The following RTN1 variants were observed in gnomAD, a reference collection of about 807,000 sequenced individuals.
RTN1 encodes reticulon-1.
In RTN1, 25 loss-of-function variants were observed where a neutral mutation model predicts 65.5. The observed-to-expected ratio is 0.38, with a 90% CI of 0.28 to 0.53. The LOEUF (loss-of-function observed/expected upper bound fraction) is 0.53, where lower values mean the gene tolerates loss of function less well. Among genes scored for constraint, RTN1 ranks in the 20% least tolerant of loss-of-function variants. The pLI is 0.79. For missense variants in RTN1, 983 were observed against 1,025.4 expected (o/e 0.96, Z 0.57); for synonymous variants, 471 against 447.6 (o/e 1.05, Z -0.66).
intron 1 of RTN1, among the ~76,000 whole-genome samples, chr14:59,782,511 T>C (rs1486927359): frequency 6.6e-6 from 1 of 152,182 alleles, no homozygotes; most frequent in Non-Finnish European, 1.5e-5. Flanking sequence ...TGACAACGCC[T>C]GAAACATTTT....
chr14:59,734,336 A>G (rs76480997), intron 2 of RTN1, among the ~76,000 whole-genome samples: 2,896 of 152,304 alleles, frequency 0.019, 94 homozygotes, highest in African/African-American at 0.066. Context: ...TTTCCTTCAA[A>G]TGACTGCGAA....
intron 1 of RTN1, among the ~76,000 whole-genome samples, chr14:59,749,434 A>G (rs1438087482): frequency 2.0e-5 from 2 of 102,456 alleles, no homozygotes; most frequent in Admixed American, 1.4e-4. Flanking sequence ...ATATCTATAT[A>G]TATCTATATC....
At chr14:59,820,757 G>A (rs1452245865) in intron 1 of RTN1, among the ~76,000 whole-genome samples, 1 of 152,142 alleles carries the variant, frequency 6.6e-6, no homozygotes, top group African/African-American at 2.4e-5. Flanking sequence ...GATAAGCTTT[G>A]AGTGGGGATA....
chr14:59,726,270 A>T (rs897624173), intron 3 of RTN1, among the ~76,000 whole-genome samples: 14 of 152,216 alleles, frequency 9.2e-5, no homozygotes. Context: ...TAATGACCAC[A>T]TTAAATTCAT....
At chr14:59,783,665 A>C (rs192211576) in intron 1 of RTN1, among the ~76,000 whole-genome samples, 1 of 152,330 alleles carries the variant, frequency 6.6e-6, no homozygotes, top group African/African-American at 2.4e-5. Context: ...AGTGAGAGCA[A>C]GCCTTCTGCT....
chr14:59,772,107 T>C (rs967375616), intron 1 of RTN1, among the ~76,000 whole-genome samples: 2 of 152,218 alleles, frequency 1.3e-5, no homozygotes, highest in Non-Finnish European at 2.9e-5. Flanking sequence ...AGACTGAGAA[T>C]ACATGCTACT....
chr14:59,783,080 A>G (rs2139577308), intron 1 of RTN1, among the ~76,000 whole-genome samples: 1 of 152,338 alleles, frequency 6.6e-6, no homozygotes, highest in Non-Finnish European at 1.5e-5. Flanking sequence ...ACAGATGAAG[A>G]AAGCAAGACA....
chr14:59,723,315 C>T (rs1429314903), intron 3 of RTN1, among the ~76,000 whole-genome samples: 1 of 151,918 alleles, frequency 6.6e-6, no homozygotes, highest in African/African-American at 2.4e-5. Context: ...GTCTAAAACC[C>T]TGCTACCCTG....
intron 3 of RTN1, among the ~76,000 whole-genome samples, chr14:59,649,990 G>A (rs887943724): frequency 1.8e-4 from 28 of 152,130 alleles, no homozygotes; most frequent in Admixed American, 1.7e-3. Flanking sequence ...GCAAAGACTT[G>A]GAACCAACCC....
intron 3 of RTN1, among the ~76,000 whole-genome samples, chr14:59,625,210 G>A (rs532330902): frequency 6.6e-5 from 10 of 152,130 alleles, no homozygotes; most frequent in Non-Finnish European, 1.3e-4. Flanking sequence ...TTTTGTCATA[G>A]AATATTAGGA....
rs1489026988 is a variant in RTN1, at chr14:59,790,165, A to C, written c.242-43684T>G. Among the ~76,000 whole-genome samples the C allele has an allele frequency of 3.3e-5, 5 of 152,026 alleles. No homozygotes were observed. The highest frequency in any genetic ancestry group is 1.2e-4 in the African/African-American group (5 of 41,430). On this transcript the variant is annotated intron_variant, in intron 1 of 8. Transcript: ENST00000267484. The surrounding 1 kb of genome is among the most constrained non-coding windows in gnomAD (Gnocchi z 4.1). Reference sequence around the variant, plus strand: ...AGAAAGGCTTCAAATAACCAGTCCAAGTTCAAATAACAGAGTCTAGTCGTG... The same window carrying C: ...AGAAAGGCTTCAAATAACCAGTCCACGTTCAAATAACAGAGTCTAGTCGTG...
rs995823709 is a variant in RTN1, at chr14:59,832,532, T to C, written c.241+37858A>G. Among the ~76,000 whole-genome samples the C allele has an allele frequency of 9.8e-5, 15 of 152,348 alleles. 1 individual carries two copies. The highest frequency in any genetic ancestry group is 6.5e-4 in the Admixed American group (10 of 15,308). On this transcript the variant is annotated intron_variant, in intron 1 of 8. Coordinates refer to ENST00000267484, the MANE Select transcript of RTN1 (RefSeq NM_021136.3). The stretch of plus-strand genomic sequence containing the variant: ...TTCCAGAGGACAATGCATTTGTTTA[T>C]TTATTTTTCCTCATCATCTGTAAGA...
In RTN1 at chr14:59,870,471, T is replaced by C. The variant is rs763906143; in HGVS notation, c.160A>G (p.Arg54Gly). Reference sequence around the variant, plus strand: ...TCCCGCGACGCCGCTTCCCGGGCCCTGGCGCCCAACCCCGGGCTGGGCTCC... The same window carrying C: ...TCCCGCGACGCCGCTTCCCGGGCCCCGGCGCCCAACCCCGGGCTGGGCTCC... ...AGEPSPGLGA[R>G]AREAASREAG... The change falls in exon 1 of 9, where the codon AGG becomes GGG. Residue 54 changes from arginine (R) to glycine (G), a missense_variant. This residue lies in a region of RTN1 where 818 missense variants were observed against 801.8 expected (regional missense o/e 1.02). Coordinates refer to ENST00000267484, the MANE Select transcript of RTN1 (RefSeq NM_021136.3). The surrounding 1 kb of genome is among the most constrained non-coding windows in gnomAD (Gnocchi z 5.1). 2 of 1,480,236 alleles carry C rather than the reference T, an allele frequency of 1.4e-6. No homozygotes were observed. Among genetic ancestry groups the C allele is most frequent in the African/African-American group, 1.5e-5 (1 of 68,862 alleles). 91.7% of individuals were successfully genotyped at this position (1,480,236 alleles called of 1,614,324 possible).
At chr14:59,764,977 A>C (rs936581768) in intron 1 of RTN1, among the ~76,000 whole-genome samples, 1 of 152,310 alleles carries the variant, frequency 6.6e-6, no homozygotes, top group Non-Finnish European at 1.5e-5. Context: ...TGCTATGAAC[A>C]TCTTTTGAGT....
chr14:59,662,701 A>T (rs1302263994), intron 3 of RTN1, among the ~76,000 whole-genome samples: 1 of 152,176 alleles, frequency 6.6e-6, no homozygotes, highest in Non-Finnish European at 1.5e-5. Context: ...TAGGAATACA[A>T]CTTAAAAGTG....
At chr14:59,634,141 G>C (rs8011640) in intron 3 of RTN1, among the ~76,000 whole-genome samples, 1 of 151,908 alleles carries the variant, frequency 6.6e-6, no homozygotes, top group African/African-American at 2.4e-5. Context: ...GTGAAAATTT[G>C]CTATTTTATA....
intron 3 of RTN1, among the ~76,000 whole-genome samples, chr14:59,695,134 C>T (rs542502557): frequency 2.0e-5 from 3 of 152,176 alleles, no homozygotes; most frequent in Non-Finnish European, 4.4e-5. Context: ...CTTGGTGCCA[C>T]GGTTGAGTGA....
At chr14:59,716,836 T>C (rs372614025) in intron 3 of RTN1, among the ~76,000 whole-genome samples, 4 of 149,730 alleles carry the variant, frequency 2.7e-5, no homozygotes, top group African/African-American at 9.8e-5. Flanking sequence ...GGCGTGGTGG[T>C]GGACGCCTGT....
At chr14:59,778,059 TA>T (rs1036559386) in intron 1 of RTN1, among the ~76,000 whole-genome samples, 3 of 151,958 alleles carry the variant, frequency 2.0e-5, no homozygotes, top group African/African-American at 7.3e-5. Flanking sequence ...TGTCCCTGCT[TA>T]AAAAAATGCT....
Sources: allele counts gnomAD v4.1 joint callset (sites outside exome capture counted in the v4.1 genomes callset), GRCh38; gene constraint gnomAD v4.1.1; regional missense constraint gnomAD v4.1.1; non-coding constraint Gnocchi (gnomAD v3.1); transcripts MANE v1.5; gene names NCBI Gene and HGNC (gene_info 2026-07-23, HGNC 2026-07-21).